Variants in MAPK10 observed in about 807,000 individuals in gnomAD.
MAPK10 encodes the protein mitogen-activated protein kinase 10.
Under a neutral mutation model 59.3 loss-of-function variants are expected in MAPK10, and 25 were observed. That is an observed-to-expected ratio of 0.42 (90% CI 0.31 to 0.59). The LOEUF (loss-of-function observed/expected upper bound fraction) is 0.59, where lower values mean the gene tolerates loss of function less well. Among genes scored for constraint, MAPK10 ranks in the 20% least tolerant of loss-of-function variants. The probability of loss-of-function intolerance (pLI) is 0.15; values close to 1 mark genes in which losing one functional copy is unlikely to be tolerated. For missense variants in MAPK10, 351 were observed against 568.9 expected (o/e 0.62, Z 3.90); for synonymous variants, 190 against 200.5 (o/e 0.95, Z 0.44).
intron 2 of MAPK10, among the ~76,000 whole-genome samples, chr4:86,213,332 T>A (rs77799916): frequency 0.085 from 12,922 of 151,892 alleles, 1,219 homozygotes; most frequent in African/African-American, 0.23. Flanking sequence ...ACCTGACAGA[T>A]GGTAGAAAAT....
At chr4:86,281,607 C>A (rs1015754731) in intron 2 of MAPK10, among the ~76,000 whole-genome samples, 1 of 151,968 alleles carries the variant, frequency 6.6e-6, no homozygotes, top group Non-Finnish European at 1.5e-5. Context: ...GTTCACAGAC[C>A]ACACTTTGAA....
chr4:86,115,852 T>C (rs2058222694), intron 4 of MAPK10, among the ~76,000 whole-genome samples: 2 of 152,230 alleles, frequency 1.3e-5, no homozygotes, highest in South Asian at 4.1e-4. Flanking sequence ...AAATACTGTC[T>C]CTTAAAAATC....
chr4:86,114,307 G>A (rs935535755), intron 4 of MAPK10, among the ~76,000 whole-genome samples: 4 of 152,170 alleles, frequency 2.6e-5, no homozygotes, highest in Admixed American at 1.3e-4. Flanking sequence ...CTGGCTTTTT[G>A]AGTTTTCAGC....
chr4:86,159,864 A>T (rs766973647), intron 3 of MAPK10, among the ~76,000 whole-genome samples: 3 of 151,818 alleles, frequency 2.0e-5, no homozygotes, highest in African/African-American at 2.4e-5. Context: ...ATCACTGGTC[A>T]CCCATTATAC....
intron 9 of MAPK10, among the ~76,000 whole-genome samples, chr4:86,075,693 A>T (rs1353048958): frequency 6.7e-6 from 1 of 150,334 alleles, no homozygotes; most frequent in African/African-American, 2.5e-5. Flanking sequence ...GATGCCTCCC[A>T]GTTAGACTTC....
intron 5 of MAPK10, among the ~76,000 whole-genome samples, chr4:86,106,039 G>T (rs931848465): frequency 1.3e-5 from 2 of 152,060 alleles, no homozygotes; most frequent in Admixed American, 6.6e-5. Flanking sequence ...GCAGCAATTT[G>T]TCTGTTTTCT....
chr4:86,022,701 A>G (rs1186211105), intron 13 of MAPK10, among the ~76,000 whole-genome samples: 2 of 151,984 alleles, frequency 1.3e-5, no homozygotes, highest in African/African-American at 2.4e-5. Flanking sequence ...TAGAGACAGG[A>G]GCTTGCCATG....
At chr4:86,311,896 C>G (rs1393006838) in intron 2 of MAPK10, among the ~76,000 whole-genome samples, 1 of 152,098 alleles carries the variant, frequency 6.6e-6, no homozygotes, top group Admixed American at 6.6e-5. Context: ...TCTTCTACAC[C>G]TTCTCTTTTA....
At chr4:86,409,483 A>G (rs1024545901) in intron 1 of MAPK10, among the ~76,000 whole-genome samples, 1 of 152,134 alleles carries the variant, frequency 6.6e-6, no homozygotes, top group Non-Finnish European at 1.5e-5. Flanking sequence ...TCTATGAATT[A>G]CCTTGAGCAG....
intron 5 of MAPK10, among the ~76,000 whole-genome samples, chr4:86,106,011 G>T (rs576453216): frequency 6.6e-6 from 1 of 152,054 alleles, no homozygotes. Flanking sequence ...CTTGCCAATA[G>T]AGCATAACTC....
intron 1 of MAPK10, among the ~76,000 whole-genome samples, chr4:86,400,305 G>A (rs1022260589): frequency 6.6e-6 from 1 of 152,026 alleles, no homozygotes; most frequent in Admixed American, 6.6e-5. Flanking sequence ...CCACACCCAT[G>A]TTTATACATT....
chr4:86,022,305 T>G (rs1747593463), intron 13 of MAPK10, among the ~76,000 whole-genome samples: 1 of 152,252 alleles, frequency 6.6e-6, no homozygotes, highest in Admixed American at 6.5e-5. Context: ...CATGAAATGG[T>G]ATCTCATTGT....
chr4:86,283,562 C>G (rs746641304), intron 2 of MAPK10, among the ~76,000 whole-genome samples: 4 of 152,130 alleles, frequency 2.6e-5, no homozygotes, highest in Non-Finnish European at 4.4e-5. Flanking sequence ...GTAAATTTCC[C>G]AGAAGGCTGG....
At chr4:86,517,080 T>G (rs989514028) in intron 1 of MAPK10, among the ~76,000 whole-genome samples, 1 of 152,090 alleles carries the variant, frequency 6.6e-6, no homozygotes, top group African/African-American at 2.4e-5. Context: ...CCTTAAGGTA[T>G]GTCCCTTCTT....
chr4:86,473,918 G>C (rs1752860988), intron 1 of MAPK10, among the ~76,000 whole-genome samples: 2 of 152,170 alleles, frequency 1.3e-5, no homozygotes, highest in Admixed American at 1.3e-4. Context: ...GGAAGTCTGA[G>C]ATGGAAGGAT....
intron 2 of MAPK10, chr4:86,277,013 A>T (rs1425001290): frequency 6.6e-6 from 1 of 152,140 alleles, no homozygotes; most frequent in African/African-American, 2.4e-5. Flanking sequence ...AGTTGAGACC[A>T]TATCATCTCT....
intron 1 of MAPK10, among the ~76,000 whole-genome samples, chr4:86,493,918 C>G (rs932595127): frequency 1.3e-5 from 2 of 152,120 alleles, no homozygotes; most frequent in East Asian, 1.9e-4. Flanking sequence ...TCTCCTACCC[C>G]ACATGATTTC....
intron 1 of MAPK10, among the ~76,000 whole-genome samples, chr4:86,539,865 T>C (rs1758538704): frequency 6.6e-6 from 1 of 152,214 alleles, no homozygotes; most frequent in African/African-American, 2.4e-5. Context: ...TTAATTATAA[T>C]AACAAAATCT....
At chr4:86,425,363 GA>G (rs1397135886) in intron 1 of MAPK10, among the ~76,000 whole-genome samples, 1 of 151,822 alleles carries the variant, frequency 6.6e-6, no homozygotes, top group Non-Finnish European at 1.5e-5. Context: ...TACAAAGTTT[GA>G]AAACATATAA....
Sources: allele counts gnomAD v4.1 joint callset (sites outside exome capture counted in the v4.1 genomes callset), GRCh38; gene constraint gnomAD v4.1.1; transcripts MANE v1.5; gene names NCBI Gene and HGNC (gene_info 2026-07-23, HGNC 2026-07-21).